PTPN21: variants seen among roughly 807,000 people sequenced by gnomAD.
PTPN21 encodes tyrosine-protein phosphatase non-receptor type 21.
In PTPN21, 77 loss-of-function variants were observed where a neutral mutation model predicts 131.8. The observed-to-expected ratio is 0.58, with a 90% CI of 0.49 to 0.71. The LOEUF (loss-of-function observed/expected upper bound fraction) is 0.71. PTPN21 is among the 30% of genes least tolerant of loss of function. PTPN21 has a pLI of 0.00. For synonymous variants in PTPN21, 715 were observed against 621.3 expected (o/e 1.15, Z -2.24); for missense variants, 1,552 against 1,527.1 (o/e 1.02, Z -0.27).
intron 12 of PTPN21, among the ~76,000 whole-genome samples, chr14:88,483,249 C>T (rs2077680102): frequency 6.7e-6 from 1 of 149,360 alleles, no homozygotes; most frequent in African/African-American, 2.5e-5. Flanking sequence ...GAAAAGAAAG[C>T]AGATCACTCA....
In PTPN21 at chr14:88,554,856, C is replaced by G. The variant is rs1179204640; in HGVS notation, c.-408G>C. 1.3e-5 allele frequency: 2 copies of G among 152,034 alleles called. No individual in the cohort carries two copies. The highest frequency in any genetic ancestry group is 3.8e-4 in the East Asian group (2 of 5,204). 9.4% of individuals were successfully genotyped at this position (152,034 alleles called of 1,614,324 possible). On this transcript the variant is annotated 5_prime_UTR_variant, in exon 1 of 19. Coordinates refer to ENST00000556564, the MANE Select transcript of PTPN21 (RefSeq NM_007039.4). ...CCTGGGCAGAGTCCGGCGGTGGCGA[C>G]GGCGAGGGGCGAGGCCTGGAGGTGG... is the stretch of plus-strand genomic sequence containing the variant.
At position 88,479,235 on chromosome 14, in the gene PTPN21, C is replaced by T. The variant is rs764659360; in HGVS notation, c.2196G>A (p.Ala732=). 2 of 1,607,418 alleles carry T rather than the reference C, an allele frequency of 1.2e-6. No individual in the cohort carries two copies. Among genetic ancestry groups the T allele is most frequent in the Non-Finnish European group, 1.7e-6 (2 of 1,176,928 alleles). The change falls in exon 13 of 19, where the codon GCG becomes GCA. Residue 732 remains alanine, a synonymous_variant. Coordinates refer to ENST00000556564, the MANE Select transcript of PTPN21 (RefSeq NM_007039.4). ...GGGCCAGGCCGGGCCGAGGCTCGCG[C>T]GCACGTGCAGGAGGCGCCCGGGCCC... is the stretch of plus-strand genomic sequence containing the variant. ...ESGARAPPAR[A]REPRPGLAQD... is the part of the protein sequence containing the mutation.
At chr14:88,539,018 G>C (rs547816622) in intron 2 of PTPN21, among the ~76,000 whole-genome samples, 1 of 151,788 alleles carries the variant, frequency 6.6e-6, no homozygotes, top group African/African-American at 2.4e-5. Context: ...TTATTTAGTA[G>C]AGGAGATCCT....
intron 1 of PTPN21, among the ~76,000 whole-genome samples, chr14:88,553,960 T>G (rs1307218425): frequency 6.6e-6 from 1 of 152,104 alleles, no homozygotes; most frequent in African/African-American, 2.4e-5. Flanking sequence ...GCGTAGATGC[T>G]CCAGAATAAA....
At chr14:88,542,417 T>C (rs1019665812) in intron 2 of PTPN21, among the ~76,000 whole-genome samples, 20 of 152,124 alleles carry the variant, frequency 1.3e-4, no homozygotes, top group African/African-American at 4.6e-4. Flanking sequence ...AATGAGTAAA[T>C]TCATGCTTAA....
At chr14:88,499,549 TCACCATGGA>T (rs1361720871) in intron 8 of PTPN21, among the ~76,000 whole-genome samples, 21 of 152,106 alleles carry the variant, frequency 1.4e-4, no homozygotes, top group Admixed American at 1.4e-3. Flanking sequence ...AATAACTGGG[TCACCATGGA>T]CAAATCACAA....
At chr14:88,520,655 A>G (rs983817061) in intron 2 of PTPN21, among the ~76,000 whole-genome samples, 2 of 152,166 alleles carry the variant, frequency 1.3e-5, no homozygotes, top group Admixed American at 1.3e-4. Flanking sequence ...TTTAATAGAA[A>G]GAGCTTGATG....
chr14:88,469,953 A>G lies in PTPN21; in HGVS notation c.2969T>C (p.Ile990Thr). Reference protein sequence around the residue: ...DFWQMVWEQGIAIIAMVTAEE... With the variant: ...DFWQMVWEQGTAIIAMVTAEE... ...TGCTGTCACCATTGCTATAATTGCA[A>G]TTCCCTGTTCCCATACCATCTGCCA... Residue 990 changes from isoleucine (I) to threonine (T), a missense_variant, in exon 16 of 19, where the codon ATT (isoleucine) becomes ACT (threonine). By Grantham distance (89) the Ile-to-Thr change is moderately conservative. This residue lies in a region of PTPN21 where 316 missense variants were observed against 378.5 expected (regional missense o/e 0.83). Transcript: ENST00000556564. The surrounding 1 kb of genome is among the most constrained non-coding windows in gnomAD (Gnocchi z 4.3). 1 of 1,614,078 alleles carries G rather than the reference A, an allele frequency of 6.2e-7. No individual in the cohort carries two copies. The highest frequency in any genetic ancestry group is 8.5e-7 in the Non-Finnish European group (1 of 1,180,010).
At chr14:88,532,330 T>C (rs2078566465) in intron 2 of PTPN21, among the ~76,000 whole-genome samples, 1 of 151,764 alleles carries the variant, frequency 6.6e-6, no homozygotes, top group South Asian at 2.1e-4. Context: ...TCAGCTCTAT[T>C]TTAAAATGTT....
At chr14:88,493,745 G>A (rs140208269) in intron 10 of PTPN21, among the ~76,000 whole-genome samples, 10 of 151,946 alleles carry the variant, frequency 6.6e-5, no homozygotes, top group African/African-American at 2.4e-4. Flanking sequence ...TGGGAATTGA[G>A]TGCAACATTT....
At chr14:88,499,802 G>A (rs1595372709) in intron 8 of PTPN21, among the ~76,000 whole-genome samples, 1 of 152,168 alleles carries the variant, frequency 6.6e-6, no homozygotes, top group East Asian at 1.9e-4. Flanking sequence ...TGAACTTTGG[G>A]TTTTCCAGAT....
chr14:88,479,237 C>CCCGG lies in PTPN21; in HGVS notation c.2193_2194insCCGG (p.Ala732ProfsTer123). Reference sequence around the variant, plus strand: ...GCCAGGCCGGGCCGAGGCTCGCGCGCACGTGCAGGAGGCGCCCGGGCCCCG... The same window carrying CCCGG: ...GCCAGGCCGGGCCGAGGCTCGCGCGCCCGGACGTGCAGGAGGCGCCCGGGCCCCG... On this transcript the variant is annotated frameshift_variant, in exon 13 of 19. Transcript: ENST00000556564. LOFTEE classifies it high-confidence loss of function. The CCCGG allele has an allele frequency of 6.2e-7, 1 of 1,608,612 alleles. No individual in the cohort carries two copies. Among genetic ancestry groups the CCCGG allele is most frequent in the Non-Finnish European group, 8.5e-7 (1 of 1,177,538 alleles).
At chr14:88,483,447 G>C (rs1051510287) in intron 12 of PTPN21, among the ~76,000 whole-genome samples, 12 of 151,918 alleles carry the variant, frequency 7.9e-5, no homozygotes, top group South Asian at 4.2e-4. Context: ...CATGGTGAGG[G>C]GGATGCTCTC....
Position 88,468,005 on chromosome 14 carries a change from G to T in PTPN21, c.*132C>A. 8.5e-7 allele frequency: 1 copy of T among 1,169,774 alleles called. No individual in the cohort carries two copies. Among genetic ancestry groups the T allele is most frequent in the Non-Finnish European group, 1.2e-6 (1 of 800,352 alleles). The allele number at this position is 1,169,774 out of a possible 1,614,324, so 72.5% of individuals were successfully genotyped here. On this transcript the variant is annotated 3_prime_UTR_variant, in exon 19 of 19. Coordinates refer to ENST00000556564, the MANE Select transcript of PTPN21 (RefSeq NM_007039.4). ...GTTTCCTTCAGCGTGCCGCCATTCA[G>T]ACTGCGCCACTTACGTCCCAGTGCC...
Position 88,472,439 on chromosome 14 carries a change from T to C in PTPN21, c.2676A>G (p.Glu892=), listed in dbSNP as rs1369417764. The C allele has an allele frequency of 6.2e-7, 1 of 1,613,418 alleles. No individual in the cohort carries two copies. The highest frequency in any genetic ancestry group is 8.5e-7 in the Non-Finnish European group (1 of 1,179,424). Residue 892 remains glutamate (E), a synonymous_variant, in exon 15 of 19, where the codon GAA becomes GAG. Transcript: ENST00000556564. ...CATATTCTGTGAATACCATTCCTTG[T>C]TCTAATCGTTGTTCCAGAATTTTAC... ...ERCKILEQRL[E]QGMVFTEYER...
rs549002010 is a variant in PTPN21 at position 88,477,803 on chromosome 14, G to C, written c.2511+1117C>G. Reference sequence around the variant, plus strand: ...GGGCCAGGAAGAGCTGGAAGCCTGAGCACTGCAACAAAATCACTTCGGTGG... The same window carrying C: ...GGGCCAGGAAGAGCTGGAAGCCTGACCACTGCAACAAAATCACTTCGGTGG... On this transcript the variant is annotated intron_variant, in intron 13 of 18. Coordinates refer to ENST00000556564, the MANE Select transcript of PTPN21 (RefSeq NM_007039.4). Among the ~76,000 whole-genome samples, 10 of 152,298 alleles carry C rather than the reference G, an allele frequency of 6.6e-5. No individual in the cohort carries two copies. In the East Asian group the frequency reaches 1.9e-3, roughly 29 times the overall value.
intron 15 of PTPN21, chr14:88,470,354 G>T: frequency 2.9e-6 from 1 of 340,054 alleles, no homozygotes; most frequent in South Asian, 3.5e-5. Context: ...ACCGTCATAG[G>T]GTCATTGTGA....
chr14:88,490,764 G>A (rs1376548243), intron 10 of PTPN21, among the ~76,000 whole-genome samples: 2 of 152,192 alleles, frequency 1.3e-5, no homozygotes, highest in Non-Finnish European at 2.9e-5. Flanking sequence ...ATCTCACTGC[G>A]CTCAGCGAGT....
chr14:88,514,318 C>A (rs1021490893), intron 3 of PTPN21, among the ~76,000 whole-genome samples: 2 of 152,100 alleles, frequency 1.3e-5, no homozygotes, highest in Non-Finnish European at 2.9e-5. Context: ...ATGGTTCTTT[C>A]ATATCATGTT....
Sources: allele counts gnomAD v4.1 joint callset (sites outside exome capture counted in the v4.1 genomes callset), GRCh38; gene constraint gnomAD v4.1.1; regional missense constraint gnomAD v4.1.1; non-coding constraint Gnocchi (gnomAD v3.1); transcripts MANE v1.5; gene names NCBI Gene and HGNC (gene_info 2026-07-23, HGNC 2026-07-21).